The following N4BP2 variants were observed in gnomAD, a reference collection of about 807,000 sequenced individuals.
N4BP2 encodes NEDD4 binding protein 2.
Under a neutral mutation model 152.8 loss-of-function variants are expected in N4BP2, and 91 were observed. The ratio of observed to expected loss-of-function variants is 0.60; its 90% CI spans 0.50 to 0.71. The LOEUF (loss-of-function observed/expected upper bound fraction) is 0.71, where lower values mean the gene tolerates loss of function less well. Ranked by LOEUF, N4BP2 falls within the 30% of genes least tolerant of loss-of-function variation. The pLI is 0.00. For synonymous variants in N4BP2, 646 were observed against 705.3 expected, an observed-to-expected ratio of 0.92 and a Z score of 1.33; for missense variants, 1,923 against 2,059.1, an observed-to-expected ratio of 0.93 and a Z score of 1.28.
At chr4:40,125,459 C>T (rs1407186307) in intron 11 of N4BP2, among the ~76,000 whole-genome samples, 1 of 152,226 alleles carries the variant, frequency 6.6e-6, no homozygotes, top group African/African-American at 2.4e-5. Flanking sequence ...CCAGAGCAGA[C>T]TGTAGCTGTT....
intron 14 of N4BP2, among the ~76,000 whole-genome samples, chr4:40,139,828 CTTTTTTTTTTTT>C (rs1209677713): frequency 1.0e-5 from 1 of 97,842 alleles, no homozygotes; most frequent in Admixed American, 1.1e-4. Flanking sequence ...ATTTTTTTTT[CTTTTTTTTTTTT>C]TTGAGACAGG....
chr4:40,101,960 T>A, intron 3 of N4BP2, 115 bp from the exon 4 acceptor site: 2 of 622,210 alleles, frequency 3.2e-6, no homozygotes, highest in African/African-American at 3.7e-5. Context: ...ATTGTACATT[T>A]ATATTCTGTT....
At chr4:40,145,702 A>G (rs892790314) in intron 16 of N4BP2, among the ~76,000 whole-genome samples, 1 of 152,238 alleles carries the variant, frequency 6.6e-6, no homozygotes, top group African/African-American at 2.4e-5. Flanking sequence ...GTTTTACTCA[A>G]TAAATATTTG....
chr4:40,095,097 T>C (rs923769342), intron 2 of N4BP2, among the ~76,000 whole-genome samples: 1 of 151,862 alleles, frequency 6.6e-6, no homozygotes, highest in Admixed American at 6.6e-5. Context: ...ATCTTTTTTT[T>C]TTTGAGATGG....
At chr4:40,138,578 G>A (rs1182884092) in intron 14 of N4BP2, among the ~76,000 whole-genome samples, 1 of 152,162 alleles carries the variant, frequency 6.6e-6, no homozygotes, top group Admixed American at 6.6e-5. Flanking sequence ...GTTAATTTTT[G>A]TATATGTAGT....
At chr4:40,061,876 G>A (rs997893903) in intron 1 of N4BP2, among the ~76,000 whole-genome samples, 2 of 151,944 alleles carry the variant, frequency 1.3e-5, no homozygotes, top group East Asian at 3.9e-4. Flanking sequence ...TGTTGGCCAG[G>A]GTGGTCTGGA....
chr4:40,164,321 G>A, the N4BP2 span, among the ~76,000 whole-genome samples: 1 of 152,156 alleles, frequency 6.6e-6, no homozygotes, highest in Non-Finnish European at 1.5e-5. Context: ...CAGAATATTA[G>A]GATGTGGGTA....
intron 16 of N4BP2, among the ~76,000 whole-genome samples, chr4:40,152,331 A>G (rs1234687419): frequency 1.3e-5 from 2 of 152,246 alleles, no homozygotes; most frequent in Non-Finnish European, 2.9e-5. Flanking sequence ...GCTATGATTC[A>G]GAACAAAGCT....
chr4:40,190,073 C>G, the N4BP2 span, among the ~76,000 whole-genome samples: 2 of 152,174 alleles, frequency 1.3e-5, no homozygotes, highest in African/African-American at 2.4e-5. Flanking sequence ...TTTTCTATCC[C>G]CCTTCCTTAC....
In N4BP2 at chr4:40,112,109, A is replaced by G. The variant is rs1229994610; in HGVS notation, c.1524A>G (p.Ile508Met). The change falls in exon 6 of 18, where the codon ATA (isoleucine) becomes ATG (methionine). Residue 508 changes from isoleucine (I) to methionine (M), a missense_variant. Transcript: ENST00000261435. Reference protein sequence around the residue: ...NRAKEAFEKKISPIIIDNTNL... With the variant: ...NRAKEAFEKKMSPIIIDNTNL... ...CAAAAGAAGCATTTGAGAAGAAGAT[A>G]TCTCCTATAATTATAGATAATACAA... 3.9e-6 allele frequency: 6 copies of G among 1,556,324 alleles called. No individual in the cohort carries two copies. The South Asian group carries it at 4.7e-5, about 12-fold the overall frequency.
chr4:40,186,573 G>A, the N4BP2 span, among the ~76,000 whole-genome samples: 1 of 152,172 alleles, frequency 6.6e-6, no homozygotes, highest in Non-Finnish European at 1.5e-5. Context: ...CCAGGACTGG[G>A]GACCCCTGAC....
chr4:40,066,221 GC>G (rs1734031776), intron 1 of N4BP2, among the ~76,000 whole-genome samples: 1 of 151,854 alleles, frequency 6.6e-6, no homozygotes, highest in South Asian at 2.1e-4. Flanking sequence ...GAGCCACCGT[GC>G]CCGGCCCATT....
rs751426363 is a variant in N4BP2 at position 40,102,643 on chromosome 4, G to GA, written c.801dup (p.Glu268ArgfsTer6). On this transcript the variant is annotated frameshift_variant, in exon 4 of 18. Transcript: ENST00000261435. LOFTEE classifies it high-confidence loss of function. The stretch of plus-strand genomic sequence containing the variant: ...GTTGTAGCAGTCTCAATCAAAAACA[G>GA]AAAGAACTTTTAGAATCTGAGTGCG... 4.3e-6 allele frequency: 7 copies of GA among 1,614,166 alleles called. No homozygotes were observed. The highest frequency in any genetic ancestry group is 5.1e-6 in the Non-Finnish European group (6 of 1,180,044).
chr4:40,157,840 A>G lies in N4BP2; in HGVS notation c.*3603A>G, dbSNP rs1263337261. ...TTAAAATGTAATTCAAGTTTACAGT[A>G]TTACTTAATGCTTCTTTACAGAATT... is the stretch of plus-strand genomic sequence containing the variant. On this transcript the variant is annotated 3_prime_UTR_variant, in exon 18 of 18. Transcript: ENST00000261435. The G allele has an allele frequency of 6.6e-6, 1 of 152,222 alleles. No homozygotes were observed. Among genetic ancestry groups the G allele is most frequent in the Non-Finnish European group, 1.5e-5 (1 of 68,020 alleles). 9.4% of individuals were successfully genotyped at this position (152,222 alleles called of 1,614,324 possible). A position where few individuals can be genotyped will look rare whatever the true frequency, so the allele number is the denominator to read the frequency against.
intron 11 of N4BP2, among the ~76,000 whole-genome samples, chr4:40,124,798 G>T (rs1195830848): frequency 6.6e-6 from 1 of 152,160 alleles, no homozygotes; most frequent in East Asian, 1.9e-4. Flanking sequence ...GTTTTGCTCT[G>T]CATGAAAGAA....
chr4:40,165,412 C>T, the N4BP2 span, among the ~76,000 whole-genome samples: 40 of 152,152 alleles, frequency 2.6e-4, no homozygotes, highest in East Asian at 4.4e-3. Context: ...CCATGTCTGG[C>T]GAATTTTTGT....
chr4:40,120,788 C>CA lies in N4BP2; in HGVS notation c.2678dup (p.Arg894GlufsTer14). ...CTGGCCTTCATCTGATTCTTTAGCT[C>CA]AGAGGGAACACAGATCAAGAATGCC... is the stretch of plus-strand genomic sequence containing the variant. On this transcript the variant is annotated frameshift_variant, in exon 9 of 18. Coordinates refer to ENST00000261435, the MANE Select transcript of N4BP2 (RefSeq NM_018177.6). LOFTEE classifies it high-confidence loss of function. 1.2e-6 allele frequency: 2 copies of CA among 1,614,102 alleles called. No homozygotes were observed. The highest frequency in any genetic ancestry group is 1.7e-6 in the Non-Finnish European group (2 of 1,180,004).
chr4:40,057,363 C>T (rs1290962258), intron 1 of N4BP2, among the ~76,000 whole-genome samples: 1 of 152,226 alleles, frequency 6.6e-6, no homozygotes, highest in Admixed American at 6.5e-5. Flanking sequence ...CTCTCGACCC[C>T]CCGAGGTTTC....
In N4BP2 at chr4:40,154,449, G is replaced by A. The variant is rs1309950919; in HGVS notation, c.*212G>A. 2.3e-6 allele frequency: 1 copy of A among 426,782 alleles called. No individual in the cohort carries two copies. Among genetic ancestry groups the A allele is most frequent in the Non-Finnish European group, 4.1e-6 (1 of 243,344 alleles). The allele number at this position is 426,782 out of a possible 1,614,324, so 26.4% of individuals were successfully genotyped here. On this transcript the variant is annotated 3_prime_UTR_variant, in exon 18 of 18. Coordinates refer to ENST00000261435, the MANE Select transcript of N4BP2 (RefSeq NM_018177.6). ...TGTTACCTGTTAAAGATATTACAGA[G>A]AAATTTTATTGATTACAAAATATGT...
Sources: allele counts gnomAD v4.1 joint callset (sites outside exome capture counted in the v4.1 genomes callset), GRCh38; gene constraint gnomAD v4.1.1; transcripts MANE v1.5; gene names NCBI Gene and HGNC (gene_info 2026-07-23, HGNC 2026-07-21).